The following GLCE variants were observed in gnomAD, a reference collection of about 807,000 sequenced individuals.
The protein encoded by GLCE is glucuronic acid epimerase, also known as D-glucuronyl C5-epimerase.
A neutral mutation model predicts 47.9 loss-of-function variants in GLCE; 19 were observed. The observed-to-expected ratio is 0.40, with a 90% CI of 0.28 to 0.58. The LOEUF is 0.58. Among genes scored for constraint, GLCE ranks in the 20% least tolerant of loss-of-function variants. The probability of loss-of-function intolerance (pLI) is 0.48; values close to 1 mark genes in which losing one functional copy is unlikely to be tolerated. For missense variants in GLCE, 556 were observed against 743.3 expected (o/e 0.75, Z 2.93); for synonymous variants, 245 against 263.4 (o/e 0.93, Z 0.68).
intron 1 of GLCE, among the ~76,000 whole-genome samples, chr15:69,191,253 T>A (rs1322211915): frequency 6.6e-6 from 1 of 152,160 alleles, no homozygotes; most frequent in African/African-American, 2.4e-5. Context: ...GTGACAGATT[T>A]TCTCGGCTTT....
intron 1 of GLCE, among the ~76,000 whole-genome samples, chr15:69,205,156 G>A (rs780376558): frequency 1.3e-5 from 2 of 151,816 alleles, no homozygotes; most frequent in Non-Finnish European, 2.9e-5. Context: ...CTGTGTAGTT[G>A]TGCTCCCCCC....
chr15:69,197,723 G>A (rs1252633076), intron 1 of GLCE, among the ~76,000 whole-genome samples: 2 of 152,156 alleles, frequency 1.3e-5, no homozygotes, highest in Non-Finnish European at 2.9e-5. Context: ...TGGTTGATAT[G>A]GATTCAGGAG....
intron 2 of GLCE, among the ~76,000 whole-genome samples, chr15:69,248,749 C>T (rs1380936284): frequency 6.6e-6 from 1 of 152,026 alleles, no homozygotes; most frequent in Non-Finnish European, 1.5e-5. Context: ...AACAGGTGCG[C>T]ACCACCACGC....
chr15:69,247,316 C>G (rs770424905), intron 2 of GLCE, among the ~76,000 whole-genome samples: 34 of 152,228 alleles, frequency 2.2e-4, no homozygotes, highest in Admixed American at 6.5e-5. Flanking sequence ...AAACCAGCCT[C>G]TGCTAGCTTC....
chr15:69,248,639 A>C (rs928064052), intron 2 of GLCE, among the ~76,000 whole-genome samples: 1 of 152,056 alleles, frequency 6.6e-6, no homozygotes, highest in Non-Finnish European at 1.5e-5. Context: ...AGCTAGGCAC[A>C]GTTTTTTTTT....
intron 2 of GLCE, among the ~76,000 whole-genome samples, chr15:69,229,593 T>A (rs1171932506): frequency 2.6e-5 from 4 of 152,142 alleles, no homozygotes; most frequent in African/African-American, 9.7e-5. Context: ...AGAATAATAA[T>A]ATGTTATGGA....
At chr15:69,165,537 T>C (rs549076009) in intron 1 of GLCE, among the ~76,000 whole-genome samples, 1 of 150,890 alleles carries the variant, frequency 6.6e-6, no homozygotes, top group East Asian at 1.9e-4. Flanking sequence ...AGCTCTTTTT[T>C]AGTTACCATT....
chr15:69,229,622 G>C (rs1208160807), intron 2 of GLCE, among the ~76,000 whole-genome samples: 1 of 151,728 alleles, frequency 6.6e-6, no homozygotes, highest in Non-Finnish European at 1.5e-5. Flanking sequence ...CATAAGTAGA[G>C]GTTTTTTTGT....
At position 69,269,293 on chromosome 15, in the gene GLCE, C is replaced by T. The variant is rs751233930; in HGVS notation, c.*49C>T. On this transcript the variant is annotated 3_prime_UTR_variant, in exon 5 of 5. Coordinates refer to ENST00000261858, the MANE Select transcript of GLCE (RefSeq NM_015554.3). ...CAGCCTCTGCTGTACACAGAAACTA[C>T]AGGCTCTGTCTCAGGAGAGCATAGG... The T allele has an allele frequency of 3.1e-5, 44 of 1,439,934 alleles. No individual in the cohort carries two copies. Among genetic ancestry groups the T allele is most frequent in the Admixed American group, 1.8e-5 (1 of 57,028 alleles). The allele number at this position is 1,439,934 out of a possible 1,614,324, so 89.2% of individuals were successfully genotyped here.
At chr15:69,163,813 G>A (rs1566943936) in intron 1 of GLCE, among the ~76,000 whole-genome samples, 1 of 152,234 alleles carries the variant, frequency 6.6e-6, no homozygotes, top group Middle Eastern at 3.4e-3. Flanking sequence ...CTATGCAAAT[G>A]GTGAAATGTA....
intron 1 of GLCE, among the ~76,000 whole-genome samples, chr15:69,189,828 CTTTTA>C (rs1185377259): frequency 2.6e-5 from 4 of 151,570 alleles, no homozygotes; most frequent in Non-Finnish European, 5.9e-5. Context: ...TTTTTTTTAA[CTTTTA>C]TTTTAAGTTC....
At chr15:69,205,728 C>T (rs915280003) in intron 1 of GLCE, among the ~76,000 whole-genome samples, 2 of 152,006 alleles carry the variant, frequency 1.3e-5, no homozygotes, top group Non-Finnish European at 2.9e-5. Flanking sequence ...TTTCATTTTT[C>T]ACTTTCCTGA....
intron 1 of GLCE, among the ~76,000 whole-genome samples, chr15:69,174,474 G>A (rs572313231): frequency 6.6e-6 from 1 of 152,248 alleles, no homozygotes; most frequent in Admixed American, 6.5e-5. Flanking sequence ...GCTGGGCATG[G>A]TGGTGGGCAC....
chr15:69,211,385 A>G (rs1019977688), intron 2 of GLCE, among the ~76,000 whole-genome samples: 2 of 152,052 alleles, frequency 1.3e-5, no homozygotes, highest in East Asian at 1.9e-4. Flanking sequence ...TGTGTTTTTA[A>G]TATCTGTTCT....
At position 69,240,191 on chromosome 15, in the gene GLCE, G is replaced by A. The variant is rs141222505; in HGVS notation, c.-13-15603G>A. Among the ~76,000 whole-genome samples, 5 of 148,982 alleles carry A rather than the reference G, an allele frequency of 3.4e-5. No individual in the cohort carries two copies. The East Asian group carries it at 1.0e-3, about 30-fold the overall frequency. On this transcript the variant is annotated intron_variant, in intron 2 of 4. Coordinates refer to ENST00000261858, the MANE Select transcript of GLCE (RefSeq NM_015554.3). ...TGAAGGTTCACATCTCTATCATGAA[G>A]TATCCTTGTGAAAAATCAAACCCTA... is the stretch of plus-strand genomic sequence containing the variant.
chr15:69,265,145 C>T (rs971193577), intron 4 of GLCE, among the ~76,000 whole-genome samples: 2 of 152,000 alleles, frequency 1.3e-5, no homozygotes, highest in Non-Finnish European at 2.9e-5. Context: ...GTTGATCATC[C>T]TTTATTGCCT....
At chr15:69,206,640 G>A (rs1831459837) in intron 1 of GLCE, among the ~76,000 whole-genome samples, 1 of 151,756 alleles carries the variant, frequency 6.6e-6, no homozygotes, top group Non-Finnish European at 1.5e-5. Flanking sequence ...CCTTTGACAT[G>A]TCCCGTCCTT....
intron 1 of GLCE, among the ~76,000 whole-genome samples, chr15:69,182,397 G>A (rs940101920): frequency 6.6e-6 from 1 of 151,524 alleles, no homozygotes; most frequent in African/African-American, 2.4e-5. Flanking sequence ...GAGAGAGAGA[G>A]AGAGAGAGAG....
At chr15:69,181,067 G>A (rs1319729080) in intron 1 of GLCE, among the ~76,000 whole-genome samples, 4 of 152,144 alleles carry the variant, frequency 2.6e-5, no homozygotes, top group Admixed American at 2.6e-4. Flanking sequence ...AAAAAAGAGG[G>A]AGGCACAGAG....
Sources: gnomAD v4.1 joint callset for allele counts (sites outside exome capture counted in the v4.1 genomes callset) on GRCh38, gnomAD v4.1.1 for gene constraint, MANE v1.5 for transcripts, NCBI Gene and HGNC (gene_info 2026-07-23, HGNC 2026-07-21) for gene names.